Variants in TRPM2 observed in about 807,000 individuals in gnomAD.
The protein encoded by TRPM2 is transient receptor potential cation channel subfamily M member 2.
In TRPM2, 161 loss-of-function variants were observed where a neutral mutation model predicts 174.0. The observed-to-expected ratio is 0.93, with a 90% confidence interval of 0.81 to 1.05. The LOEUF is 1.05. Among genes scored for constraint, TRPM2 ranks in the 50% least tolerant of loss-of-function variants. The probability of loss-of-function intolerance (pLI) is 0.00; values close to 1 mark genes in which losing one functional copy is unlikely to be tolerated. For synonymous variants in TRPM2, 954 were observed against 861.3 expected (o/e 1.11, Z -1.88); for missense variants, 2,057 against 2,038.0 (o/e 1.01, Z -0.18).
chr21:44,422,352 C>G (rs755693446), intron 22 of TRPM2: 1 of 1,535,984 alleles, frequency 6.5e-7, no homozygotes, highest in African/African-American at 1.4e-5. Flanking sequence ...GGTGGAATCA[C>G]GCGGGTCCGA....
In TRPM2 at chr21:44,438,861, C is replaced by G. The variant is rs1328784444; in HGVS notation, c.4168-206C>G. Among the ~76,000 whole-genome samples, 1 of 152,194 alleles carries G rather than the reference C, an allele frequency of 6.6e-6. No individual in the cohort carries two copies. The highest frequency in any genetic ancestry group is 1.5e-5 in the Non-Finnish European group (1 of 68,022). On this transcript the variant is annotated intron_variant, in intron 29 of 31. Coordinates refer to ENST00000397928, the MANE Select transcript of TRPM2 (RefSeq NM_003307.4). The surrounding 1 kb of genome is among the most constrained non-coding windows in gnomAD (Gnocchi z 5.9). ...TGTGTCTGCAGCCCAGTGCCCCCTG[C>G]TCGGGCCACGGCAGGCCTCACAGAT...
intron 2 of TRPM2, among the ~76,000 whole-genome samples, chr21:44,362,019 G>A (rs2048221928): frequency 6.6e-6 from 1 of 152,110 alleles, no homozygotes; most frequent in Non-Finnish European, 1.5e-5. Context: ...TACTATTTTT[G>A]AGTGTATCTT....
chr21:44,437,356 G>A (rs761886140), intron 29 of TRPM2, among the ~76,000 whole-genome samples, 189 bp downstream of exon 29: 3 of 152,190 alleles, frequency 2.0e-5, no homozygotes, highest in Non-Finnish European at 4.4e-5. Flanking sequence ...TCATGTTGCA[G>A]TTAGGAAAAC....
chr21:44,361,833 T>C (rs1011266941), intron 2 of TRPM2, among the ~76,000 whole-genome samples: 1 of 152,130 alleles, frequency 6.6e-6, no homozygotes, highest in Admixed American at 6.5e-5. Flanking sequence ...CTCAGTCTCC[T>C]GAATAGCTGG....
chr21:44,378,043 G>A (rs2048759159), intron 7 of TRPM2, among the ~76,000 whole-genome samples: 1 of 152,196 alleles, frequency 6.6e-6, no homozygotes, highest in Non-Finnish European at 1.5e-5. Context: ...GGGCCCCAGG[G>A]CCTGGAGTGA....
chr21:44,417,327 C>CTG (rs199907420), intron 20 of TRPM2, among the ~76,000 whole-genome samples: 103 of 117,930 alleles, frequency 8.7e-4, no homozygotes, highest in Non-Finnish European at 1.6e-3. Context: ...GCTCTGCTCT[C>CTG]TGGCATCACA....
At chr21:44,360,088 G>T (rs1454461951) in intron 2 of TRPM2, among the ~76,000 whole-genome samples, 1 of 151,926 alleles carries the variant, frequency 6.6e-6, no homozygotes, top group Non-Finnish European at 1.5e-5. Flanking sequence ...GCAAAAAATT[G>T]GAATCTAAAA....
intron 9 of TRPM2, 30 bp from the exon 10 acceptor site, chr21:44,390,874 G>A (rs751450366): frequency 2.5e-6 from 4 of 1,613,282 alleles, no homozygotes; most frequent in Admixed American, 3.3e-5. Flanking sequence ...GCTCCAGATC[G>A]AGGCCCAATA....
intron 22 of TRPM2, among the ~76,000 whole-genome samples, chr21:44,421,759 AAAC>A (rs906340528): frequency 5.3e-5 from 8 of 152,084 alleles, no homozygotes; most frequent in South Asian, 2.1e-4. Flanking sequence ...AAAAATAAAA[AAAC>A]AACAACAAAA....
rs1361185633 is a variant in TRPM2, at chr21:44,432,771, G to A, written c.3975-2360G>A. 6.6e-6 allele frequency among the ~76,000 whole-genome samples: 1 copy of A among 152,168 alleles called. No individual in the cohort carries two copies. The highest frequency in any genetic ancestry group is 2.4e-5 in the African/African-American group (1 of 41,430). On this transcript the variant is annotated intron_variant, in intron 27 of 31. Transcript: ENST00000397928. The surrounding 1 kb of genome is among the most constrained non-coding windows in gnomAD (Gnocchi z 4.9). Reference sequence around the variant, plus strand: ...AGATTCTGCCTTGTTCAACCCATAGGCCAGCTCTCCACCCCTCAACCCACC... The same window carrying A: ...AGATTCTGCCTTGTTCAACCCATAGACCAGCTCTCCACCCCTCAACCCACC...
At chr21:44,352,257 G>C (rs989728293), upstream of TRPM2, among the ~76,000 whole-genome samples, 1 of 152,224 alleles carries the variant, frequency 6.6e-6, no homozygotes, top group African/African-American at 2.4e-5. Flanking sequence ...GAAAAGGCCG[G>C]GCAGGGCACC....
chr21:44,406,669 C>G lies in TRPM2; in HGVS notation c.2866C>G (p.Leu956Val). 7 of 1,610,836 alleles carry G rather than the reference C, an allele frequency of 4.3e-6. No individual in the cohort carries two copies. Among genetic ancestry groups the G allele is most frequent in the Non-Finnish European group, 5.9e-6 (7 of 1,179,460 alleles). Residue 956 changes from leucine to valine, a missense_variant, in exon 19 of 32, where the codon CTC becomes GTC. Leu to Val is a conservative substitution (Grantham distance 32). Coordinates refer to ENST00000397928, the MANE Select transcript of TRPM2 (RefSeq NM_003307.4). ...VSFGVAKQAI[L>V]IHNERRVDWL... is the part of the protein sequence containing the mutation. ...CTTCGGGGTGGCCAAGCAGGCCATC[C>G]TCATCCACAACGAGCGCCGGGTGGA...
chr21:44,380,578 G>A (rs2048849838), intron 8 of TRPM2, among the ~76,000 whole-genome samples: 1 of 152,208 alleles, frequency 6.6e-6, no homozygotes, highest in Non-Finnish European at 1.5e-5. Context: ...CCTCAGCAGG[G>A]GCTCGGCATT....
chr21:44,414,113 T>A, intron 20 of TRPM2, 39 bp downstream of exon 20: 1 of 1,332,928 alleles, frequency 7.5e-7, no homozygotes, highest in Non-Finnish European at 1.1e-6. Flanking sequence ...GGTGGGTGGG[T>A]GGGCGGCGTT....
intron 9 of TRPM2, among the ~76,000 whole-genome samples, chr21:44,385,510 A>G (rs528848746): frequency 5.0e-4 from 76 of 152,360 alleles, no homozygotes; most frequent in African/African-American, 1.8e-3. Flanking sequence ...CACCACTTCC[A>G]TTCAACATTG....
upstream of TRPM2, among the ~76,000 whole-genome samples, chr21:44,353,099 T>C (rs189708580): frequency 2.2e-4 from 33 of 152,336 alleles, no homozygotes; most frequent in Non-Finnish European, 4.4e-4. Flanking sequence ...GAGGTTGCAG[T>C]GAGCCGAGAC....
At chr21:44,382,140 T>C (rs1029277887) in intron 8 of TRPM2, among the ~76,000 whole-genome samples, 8 of 152,022 alleles carry the variant, frequency 5.3e-5, no homozygotes, top group African/African-American at 1.4e-4. Flanking sequence ...TGTGGATGGA[T>C]AGATGGATAC....
At chr21:44,359,638 T>TGCTGATTGGTCCATTTTACAGAGC (rs538601608) in intron 2 of TRPM2, among the ~76,000 whole-genome samples, 1 of 151,360 alleles carries the variant, frequency 6.6e-6, no homozygotes, top group Non-Finnish European at 1.5e-5. Context: ...GCCCATGTCC[T>TGCTGATTGGTCCATTTTACAGAGC]GCTGATTGGT....
Position 44,423,676 on chromosome 21 carries a change from G to T in TRPM2, c.3493G>T (p.Asp1165Tyr). The T allele has an allele frequency of 6.2e-7, 1 of 1,613,072 alleles. No individual in the cohort carries two copies. Among genetic ancestry groups the T allele is most frequent in the Non-Finnish European group, 8.5e-7 (1 of 1,179,842 alleles). ...VDAMVDLLDL[D>Y]PLKRSGSMEQ... is the part of the protein sequence containing the mutation. ...CGCCATGGTGGACCTGCTGGACCTG[G>T]ACCCACTGAAGAGGTCGGGCTCCAT... The change falls in exon 23 of 32, where the codon GAC becomes TAC. Residue 1165 changes from aspartate (D) to tyrosine (Y), a missense_variant. By Grantham distance (160) the Asp-to-Tyr change is radical (BLOSUM62 -3). Transcript: ENST00000397928.
Sources: allele counts gnomAD v4.1 joint callset (sites outside exome capture counted in the v4.1 genomes callset), GRCh38; gene constraint gnomAD v4.1.1; non-coding constraint Gnocchi (gnomAD v3.1); transcripts MANE v1.5; gene names NCBI Gene and HGNC (gene_info 2026-07-23, HGNC 2026-07-21).